The following KIAA1549L variants were observed in gnomAD, a reference collection of about 807,000 sequenced individuals.
The protein encoded by KIAA1549L is KIAA1549 like.
A neutral mutation model predicts 160.7 loss-of-function variants in KIAA1549L; 88 were observed. The observed-to-expected ratio is 0.55, with a 90% CI of 0.46 to 0.65. The LOEUF is 0.65. Among genes scored for constraint, KIAA1549L ranks in the 30% least tolerant of loss-of-function variants. The pLI, the probability that KIAA1549L is intolerant of heterozygous loss-of-function variation, is 0.00. For missense variants in KIAA1549L, 2,258 were observed against 2,437.5 expected (o/e 0.93, Z 1.55); for synonymous variants, 950 against 976.7 (o/e 0.97, Z 0.51).
intron 1 of KIAA1549L, among the ~76,000 whole-genome samples, chr11:33,473,711 AC>A (rs1404216726): frequency 6.6e-6 from 1 of 151,994 alleles, no homozygotes; most frequent in African/African-American, 2.4e-5. Context: ...CCATTCCCTG[AC>A]CATTTTCCTC....
chr11:33,667,554 G>A (rs955726603), intron 20 of KIAA1549L, among the ~76,000 whole-genome samples: 1 of 152,096 alleles, frequency 6.6e-6, no homozygotes, highest in Admixed American at 6.5e-5. Context: ...CACCATGCCT[G>A]GCTAATTTTT....
intron 1 of KIAA1549L, among the ~76,000 whole-genome samples, chr11:33,379,524 C>T (rs1338500058): frequency 3.3e-5 from 5 of 152,144 alleles, no homozygotes; most frequent in Admixed American, 2.6e-4. Flanking sequence ...CTTTGGCCAT[C>T]CAGGCTCCAG....
intron 10 of KIAA1549L, among the ~76,000 whole-genome samples, chr11:33,579,695 G>A (rs551109594): frequency 1.5e-4 from 23 of 152,270 alleles, no homozygotes; most frequent in African/African-American, 5.1e-4. Flanking sequence ...TCAAGGTAAC[G>A]CTATAGACTT....
intron 16 of KIAA1549L, among the ~76,000 whole-genome samples, chr11:33,629,155 G>C (rs878880990): frequency 1.3e-5 from 2 of 152,150 alleles, no homozygotes; most frequent in African/African-American, 4.8e-5. Flanking sequence ...CGAGAGATCC[G>C]CTGTTAGTCT....
Position 33,617,916 on chromosome 11 carries a change from CGGAT to C in KIAA1549L, c.5280-596_5280-593del, listed in dbSNP as rs557656440. ...AGATGTGGATGGATGGACGGATGGA[CGGAT>C]GGATGGATGGATGGATGGATAGGTG... is the stretch of plus-strand genomic sequence containing the variant. On this transcript the variant is annotated intron_variant, in intron 15 of 20. Transcript: ENST00000658780. 3.8e-3 allele frequency among the ~76,000 whole-genome samples: 553 copies of C among 147,014 alleles called. 6 individuals are homozygous for C. The highest frequency in any genetic ancestry group is 0.013 in the African/African-American group (498 of 39,770).
chr11:33,574,328 A>G (rs1004874552), intron 9 of KIAA1549L, among the ~76,000 whole-genome samples: 1 of 152,166 alleles, frequency 6.6e-6, no homozygotes, highest in East Asian at 1.9e-4. Flanking sequence ...CTTTCTGGCA[A>G]TTACAGACAT....
At chr11:33,641,994 TTGTC>T (rs1181171087) in intron 16 of KIAA1549L, among the ~76,000 whole-genome samples, 1 of 152,092 alleles carries the variant, frequency 6.6e-6, no homozygotes, top group Non-Finnish European at 1.5e-5. Context: ...AAACCAATAA[TTGTC>T]TGTTAAGCAA....
rs554863767 is a variant in KIAA1549L at position 33,542,956 on chromosome 11, G to A, written c.1393G>A (p.Glu465Lys). Residue 465 changes from glutamate (E) to lysine (K), a missense_variant, in exon 2 of 21, where the codon GAA becomes AAA. Physicochemically the swap from Glu to Lys is moderately conservative, Grantham distance 56. Coordinates refer to ENST00000658780, the MANE Select transcript of KIAA1549L (RefSeq NM_012194.3). ...TTCCAGAGGGCCCGCCCTTTCGGCA[G>A]AACACACCTCTTCTTTGGTGCCTTC... ...ENSRGPALSAEHTSSLVPSLH... is the reference protein window; with the variant it reads ...ENSRGPALSAKHTSSLVPSLH... 6.2e-7 allele frequency: 1 copy of A among 1,614,064 alleles called. No homozygotes were observed. Among genetic ancestry groups the A allele is most frequent in the South Asian group, 1.1e-5 (1 of 91,090 alleles).
intron 1 of KIAA1549L, among the ~76,000 whole-genome samples, chr11:33,512,716 C>T (rs777004178): frequency 1.3e-5 from 2 of 152,182 alleles, no homozygotes; most frequent in Non-Finnish European, 1.5e-5. Flanking sequence ...CCATTGCGCC[C>T]GGCCCCTGCT....
At chr11:33,413,749 T>C (rs942808932) in intron 1 of KIAA1549L, among the ~76,000 whole-genome samples, 4 of 152,174 alleles carry the variant, frequency 2.6e-5, no homozygotes, top group African/African-American at 9.7e-5. Context: ...GTGACAATTA[T>C]AATGAAAATC....
intron 1 of KIAA1549L, among the ~76,000 whole-genome samples, chr11:33,484,426 C>T (rs1423074652): frequency 1.3e-5 from 2 of 152,140 alleles, no homozygotes; most frequent in South Asian, 4.1e-4. Context: ...TGTTGTGGTC[C>T]ATGGTTTTGA....
rs1260562032 is a variant in KIAA1549L at position 33,440,275 on chromosome 11, G to T, written c.238+63386G>T. Among the ~76,000 whole-genome samples, 6 of 148,578 alleles carry T rather than the reference G, an allele frequency of 4.0e-5. 1 individual carries two copies. The highest frequency in any genetic ancestry group is 4.0e-4 in the Admixed American group (6 of 14,996). On this transcript the variant is annotated intron_variant, in intron 1 of 20. Transcript: ENST00000658780. ...CTCCCAAGTAGCTGGGACTACAGGC[G>T]CCCGCCACTACGCCCGGCTAATTTT...
intron 1 of KIAA1549L, among the ~76,000 whole-genome samples, chr11:33,536,668 G>A (rs1170400457): frequency 6.6e-6 from 1 of 152,172 alleles, no homozygotes; most frequent in Admixed American, 6.5e-5. Context: ...CTCTTAATGG[G>A]AGGCATAAAG....
chr11:33,595,033 T>A (rs190307960), intron 12 of KIAA1549L, among the ~76,000 whole-genome samples: 80 of 152,306 alleles, frequency 5.3e-4, no homozygotes, highest in Non-Finnish European at 9.7e-4. Flanking sequence ...TTTCACCCAT[T>A]CTAGTTGAAT....
chr11:33,377,417 T>C (rs1849979665), intron 1 of KIAA1549L, among the ~76,000 whole-genome samples: 1 of 152,224 alleles, frequency 6.6e-6, no homozygotes. Flanking sequence ...CAGGCGCTCA[T>C]TAAGTATATA....
chr11:33,558,032 G>T (rs1373149276), intron 6 of KIAA1549L, among the ~76,000 whole-genome samples: 1 of 152,160 alleles, frequency 6.6e-6, no homozygotes, highest in Non-Finnish European at 1.5e-5. Flanking sequence ...TAAAAACCCT[G>T]ACTTGATCAT....
In KIAA1549L at chr11:33,634,338, C is replaced by T. The variant is rs139981809; in HGVS notation, c.5410-11348C>T. ...GATTACAGGTTTGAACCACCACGCC[C>T]GGCCTGCGCTTACTGCTCTGAATTG... is the stretch of plus-strand genomic sequence containing the variant. On this transcript the variant is annotated intron_variant, in intron 16 of 20. Transcript: ENST00000658780. Among the ~76,000 whole-genome samples, 35 of 152,242 alleles carry T rather than the reference C, an allele frequency of 2.3e-4. 1 individual carries two copies. The East Asian group carries it at 5.8e-3, about 25-fold the overall frequency.
At position 33,568,566 on chromosome 11, in the gene KIAA1549L, C is replaced by T. The variant is rs1447483049; in HGVS notation, c.4230+339C>T. The stretch of plus-strand genomic sequence containing the variant: ...TCATCATCAGCTTGTTCAGTAAGCT[C>T]AATGAAGTCCCAGCTCTCTGTCCTT... On this transcript the variant is annotated intron_variant, in intron 9 of 20. Coordinates refer to ENST00000658780, the MANE Select transcript of KIAA1549L (RefSeq NM_012194.3). Among the ~76,000 whole-genome samples the T allele has an allele frequency of 2.0e-5, 3 of 152,328 alleles. No individual in the cohort carries two copies. In the East Asian group the frequency reaches 5.8e-4, roughly 29 times the overall value.
intron 1 of KIAA1549L, among the ~76,000 whole-genome samples, chr11:33,505,262 C>T (rs1234950448): frequency 2.0e-5 from 3 of 152,224 alleles, no homozygotes; most frequent in African/African-American, 7.2e-5. Flanking sequence ...TGAAGGGAAT[C>T]TTAACATGTG....
Sources: gnomAD v4.1 joint callset for allele counts (sites outside exome capture counted in the v4.1 genomes callset) on GRCh38, gnomAD v4.1.1 for gene constraint, MANE v1.5 for transcripts, NCBI Gene and HGNC (gene_info 2026-07-23, HGNC 2026-07-21) for gene names.